BOC: variants seen among roughly 807,000 people sequenced by gnomAD.
BOC encodes BOC cell adhesion associated, oncogene regulated, also known as brother of CDO.
BOC carries 76 observed loss-of-function variants against 112.0 expected under a neutral mutation model. The observed-to-expected ratio is 0.68, with a 90% confidence interval of 0.56 to 0.82. BOC has a LOEUF of 0.82. Ranked by LOEUF, BOC falls within the 40% of genes least tolerant of loss-of-function variation. The probability of loss-of-function intolerance (pLI) is 0.00; values close to 1 mark genes in which losing one functional copy is unlikely to be tolerated. For synonymous variants in BOC, 580 were observed against 599.8 expected (o/e 0.97, Z 0.48); for missense variants, 1,309 against 1,511.7 (o/e 0.87, Z 2.22).
chr3:113,275,355 G>A (rs1948552292), intron 9 of BOC, among the ~76,000 whole-genome samples: 1 of 152,178 alleles, frequency 6.6e-6, no homozygotes, highest in South Asian at 2.1e-4. Context: ...GACAGGATGC[G>A]GGGGCAGAGC....
At chr3:113,254,657 A>C (rs759762205) in intron 4 of BOC, among the ~76,000 whole-genome samples, 5 of 152,242 alleles carry the variant, frequency 3.3e-5, no homozygotes, top group Admixed American at 3.3e-4. Context: ...ACACACACTC[A>C]GCATGGTAGG....
rs534020506 is a variant in BOC, at chr3:113,272,558, C to T, written c.816C>T (p.Thr272=). 2.0e-5 allele frequency: 32 copies of T among 1,614,050 alleles called. No homozygotes were observed. In the Middle Eastern group the frequency reaches 6.6e-4, roughly 33 times the overall value. ...VTWAKDGSSV[T]GYNKTRFLLS... is the part of the protein sequence containing the mutation. ...GGGCCAAGGATGGGTCCAGTGTCAC[C>T]GGCTACAACAAGACGCGCTTCCTGC... Residue 272 remains threonine (T), a synonymous_variant, in exon 7 of 20, where the codon ACC becomes ACT. Coordinates refer to ENST00000682979, the MANE Select transcript of BOC (RefSeq NM_001378074.1).
At chr3:113,216,579 T>C (rs1939422778) in intron 2 of BOC, among the ~76,000 whole-genome samples, 1 of 152,170 alleles carries the variant, frequency 6.6e-6, no homozygotes, top group Non-Finnish European at 1.5e-5. Context: ...CCGCGTAGGT[T>C]TGGGTGAGGA....
At chr3:113,259,870 G>C (rs1376996049) in intron 4 of BOC, among the ~76,000 whole-genome samples, 1 of 152,162 alleles carries the variant, frequency 6.6e-6, no homozygotes. Context: ...CTTTCTCCTA[G>C]CTTTCAGAAT....
chr3:113,281,066 C>A lies in BOC; in HGVS notation c.2347C>A (p.Pro783Thr), dbSNP rs1949152526. ...CTGGCACTCCATCAGCCACCTGCAG[C>A]CAGAGACCTCCTACGACATTAAGAT... is the stretch of plus-strand genomic sequence containing the variant. ...KYWHSISHLQPETSYDIKMQC... is the reference protein window; with the variant it reads ...KYWHSISHLQTETSYDIKMQC... Residue 783 changes from proline to threonine, a missense_variant, in exon 15 of 20, where the codon CCA becomes ACA. Physicochemically the swap from Pro to Thr is conservative, Grantham distance 38. Transcript: ENST00000682979. 1.9e-6 allele frequency: 3 copies of A among 1,614,080 alleles called. No homozygotes were observed. The highest frequency in any genetic ancestry group is 2.5e-6 in the Non-Finnish European group (3 of 1,180,018).
At chr3:113,223,201 C>G (rs1474094842) in intron 2 of BOC, among the ~76,000 whole-genome samples, 2 of 152,212 alleles carry the variant, frequency 1.3e-5, no homozygotes, top group East Asian at 1.9e-4. Flanking sequence ...ACATGTAAGC[C>G]TCTCAGGGAA....
intron 2 of BOC, among the ~76,000 whole-genome samples, chr3:113,233,200 G>C (rs61579027): frequency 0.39 from 48,942 of 125,840 alleles, 9,112 homozygotes; most frequent in East Asian, 0.64. Flanking sequence ...TGTGTGTCGG[G>C]GGTTGGAGCT....
In BOC at chr3:113,222,333, G is replaced by A. The variant is rs1327447217; in HGVS notation, c.-82+6059G>A. On this transcript the variant is annotated intron_variant, in intron 2 of 19. Coordinates refer to ENST00000682979, the MANE Select transcript of BOC (RefSeq NM_001378074.1). ...CAGGCCTTTTCTGAATCTCAAAAGCGATGTAATAGGAGTTTCAAACAAAAT... is the reference window on the plus strand; with the variant it reads ...CAGGCCTTTTCTGAATCTCAAAAGCAATGTAATAGGAGTTTCAAACAAAAT... Among the ~76,000 whole-genome samples, 9 of 152,214 alleles carry A rather than the reference G, an allele frequency of 5.9e-5. No individual in the cohort carries two copies. The South Asian group carries it at 6.2e-4, about 11-fold the overall frequency.
intron 4 of BOC, among the ~76,000 whole-genome samples, chr3:113,254,653 A>G (rs190838508): frequency 6.6e-6 from 1 of 152,140 alleles, no homozygotes; most frequent in Non-Finnish European, 1.5e-5. Flanking sequence ...ACCCACACAC[A>G]CTCAGCATGG....
intron 2 of BOC, among the ~76,000 whole-genome samples, chr3:113,227,611 C>T (rs9968165): frequency 0.068 from 10,370 of 152,200 alleles, 368 homozygotes; most frequent in East Asian, 0.097. Context: ...ACCTGCCTGA[C>T]AATGCAGCTT....
At chr3:113,246,410 T>C (rs1944926079) in intron 2 of BOC, among the ~76,000 whole-genome samples, 1 of 152,210 alleles carries the variant, frequency 6.6e-6, no homozygotes, top group African/African-American at 2.4e-5. Context: ...AAATTGTACT[T>C]TGTTCATTTC....
intron 1 of BOC, among the ~76,000 whole-genome samples, chr3:113,214,103 C>T (rs2107553445): frequency 6.6e-6 from 1 of 152,304 alleles, no homozygotes; most frequent in Non-Finnish European, 1.5e-5. Context: ...TTGCTAGAAG[C>T]CAGAATGGTT....
intron 15 of BOC, among the ~76,000 whole-genome samples, chr3:113,281,385 C>T (rs940911829): frequency 6.6e-6 from 1 of 152,218 alleles, no homozygotes; most frequent in Non-Finnish European, 1.5e-5. Flanking sequence ...TCCATGAAAT[C>T]AGGGGATAGA....
At chr3:113,239,889 A>G (rs186560550) in intron 2 of BOC, among the ~76,000 whole-genome samples, 223 of 152,290 alleles carry the variant, frequency 1.5e-3, no homozygotes, top group African/African-American at 5.1e-3. Context: ...TACAGAAAAA[A>G]GAAATTGCAG....
intron 9 of BOC, among the ~76,000 whole-genome samples, chr3:113,277,236 C>G (rs1475429573): frequency 6.6e-6 from 1 of 152,230 alleles, no homozygotes; most frequent in East Asian, 1.9e-4. Flanking sequence ...TGGGCATCTA[C>G]TGTGCACCAA....
At chr3:113,284,197 C>T (rs974094481) in intron 16 of BOC, 138 bp from the exon 17 acceptor site, 27 of 696,596 alleles carry the variant, frequency 3.9e-5, no homozygotes, top group South Asian at 1.0e-4. Context: ...TGTTCTCCAT[C>T]GCTTGGGCAC....
chr3:113,280,044 C>T lies in BOC; in HGVS notation c.2205+39C>T, dbSNP rs762478421. ...GCCGTGGACTGCAGTGGAAGACGGC[C>T]TCCCCTAAATGCCCTTCCCTGTGAG... On this transcript the variant is annotated intron_variant, in intron 13 of 19. Transcript: ENST00000682979. 12 of 1,558,318 alleles carry T rather than the reference C, an allele frequency of 7.7e-6. No homozygotes were observed. In the Admixed American group the frequency reaches 2.0e-4, roughly 26 times the overall value.
At position 113,278,537 on chromosome 3, in the gene BOC, C is replaced by T. The variant is rs3814402; in HGVS notation, c.1706-136C>T. 3.6e-3 allele frequency: 2,999 copies of T among 830,404 alleles called. 97 individuals carry two copies. The East Asian group carries it at 0.066, about 18-fold the overall frequency. 51.4% of individuals were successfully genotyped at this position (830,404 alleles called of 1,614,324 possible). On this transcript the variant is annotated intron_variant, in intron 10 of 19. Transcript: ENST00000682979. This position sits in a 1 kb window ranked among gnomAD's most constrained non-coding sequence, Gnocchi z 4.2. ...CCAGTCTCGGCCGAGGCTGAGCCCA[C>T]ACCCTCAGTGCCCCGGATGCTTATT...
At chr3:113,228,624 A>G (rs1942071160) in intron 2 of BOC, among the ~76,000 whole-genome samples, 3 of 152,200 alleles carry the variant, frequency 2.0e-5, no homozygotes, top group African/African-American at 7.2e-5. Flanking sequence ...AGGAGAAAGC[A>G]GGCAAAGAAT....
Sources: gnomAD v4.1 joint callset for allele counts (sites outside exome capture counted in the v4.1 genomes callset) on GRCh38, gnomAD v4.1.1 for gene constraint, Gnocchi (gnomAD v3.1) non-coding constraint, MANE v1.5 for transcripts, NCBI Gene and HGNC (gene_info 2026-07-23, HGNC 2026-07-21) for gene names.